The following MIA2 variants were observed in gnomAD, a reference collection of about 807,000 sequenced individuals.
The protein encoded by MIA2 is MIA SH3 domain ER export factor 2, also known as melanoma inhibitory activity protein 2.
A neutral mutation model predicts 167.8 loss-of-function variants in MIA2; 127 were observed. That is an observed-to-expected ratio of 0.76 (90% CI 0.66 to 0.88). MIA2 has a LOEUF of 0.88. MIA2 is among the 40% of genes least tolerant of loss of function. MIA2 has a pLI of 0.00. For synonymous variants in MIA2, 552 were observed against 541.9 expected, an observed-to-expected ratio of 1.02 and a Z score of -0.26; for missense variants, 1,690 against 1,624.7, an observed-to-expected ratio of 1.04 and a Z score of -0.69.
chr14:39,301,016 A>G lies in MIA2; in HGVS notation c.2619+1030A>G, dbSNP rs2062379674. ...CACATATATACATATATACACATAT[A>G]TACACACATATATACATATACATAC... On this transcript the variant is annotated intron_variant, in intron 14 of 28. Coordinates refer to ENST00000640607, the MANE Select transcript of MIA2 (RefSeq NM_001329214.4). Among the ~76,000 whole-genome samples, 3 of 144,890 alleles carry G rather than the reference A, an allele frequency of 2.1e-5. No homozygotes were observed. The South Asian group carries it at 6.4e-4, about 31-fold the overall frequency.
intron 23 of MIA2, among the ~76,000 whole-genome samples, chr14:39,357,200 G>C (rs2074552160): frequency 6.6e-6 from 1 of 152,118 alleles, no homozygotes; most frequent in African/African-American, 2.4e-5. Flanking sequence ...TCCCTTTGTA[G>C]GTCTCTAAGG....
intron 22 of MIA2, among the ~76,000 whole-genome samples, chr14:39,318,469 A>G (rs920026522): frequency 2.6e-5 from 4 of 152,190 alleles, no homozygotes; most frequent in African/African-American, 9.6e-5. Flanking sequence ...TACAATGTAC[A>G]ATAGCAGGGA....
chr14:39,277,214 A>G, intron 7 of MIA2, 149 bp downstream of exon 7: 1 of 1,036,822 alleles, frequency 9.6e-7, no homozygotes, highest in Non-Finnish European at 1.3e-6. Flanking sequence ...TGTTTTTTTT[A>G]AAAGAGATGA....
intron 25 of MIA2, among the ~76,000 whole-genome samples, chr14:39,342,439 C>A (rs1371343466): frequency 1.3e-5 from 2 of 152,094 alleles, no homozygotes; most frequent in Non-Finnish European, 2.9e-5. Flanking sequence ...GGTTCCAAGT[C>A]TTTGCTATTG....
chr14:39,345,961 A>T lies in MIA2; in HGVS notation c.3713A>T (p.Asn1238Ile), dbSNP rs755875816. The T allele has an allele frequency of 3.1e-6, 5 of 1,611,816 alleles. No homozygotes were observed. The East Asian group carries it at 1.1e-4, about 36-fold the overall frequency. Residue 1238 changes from asparagine (N) to isoleucine (I), a missense_variant, in exon 26 of 29, where the codon AAT becomes ATT. Physicochemically the swap from Asn to Ile is moderately radical, Grantham distance 149. Coordinates refer to ENST00000640607, the MANE Select transcript of MIA2 (RefSeq NM_001329214.4). ...PPQRQDRFCS[N>I]SGRLSGPAEL... ...CAAAGGCAAGACAGATTTTGTTCTA[A>T]TTCTGGTAGACTGTCTGGACCAGCA...
chr14:39,315,625 A>G (rs1042574726), intron 20 of MIA2, 58 bp from the exon 21 acceptor site: 70 of 1,304,626 alleles, frequency 5.4e-5, no homozygotes, highest in Non-Finnish European at 7.0e-5. Flanking sequence ...GTAGATGTGA[A>G]TGTTTTTTAC....
In MIA2 at chr14:39,240,604, T is replaced by C. The variant is rs766797743; in HGVS notation, c.293T>C (p.Ile98Thr). The C allele has an allele frequency of 6.2e-7, 1 of 1,613,434 alleles. No individual in the cohort carries two copies. The highest frequency in any genetic ancestry group is 8.5e-7 in the Non-Finnish European group (1 of 1,179,522). The change falls in exon 3 of 29, where the codon ATT becomes ACT. Residue 98 changes from isoleucine (I) to threonine (T), a missense_variant. Coordinates refer to ENST00000640607, the MANE Select transcript of MIA2 (RefSeq NM_001329214.4). ...FGYFPRDAVQ[I>T]EEVFISEEIQ... Reference sequence around the variant, plus strand: ...TATTTTCCCAGAGATGCAGTCCAGATTGAAGAGGTGTTCATATCTGAGGAA... The same window carrying C: ...TATTTTCCCAGAGATGCAGTCCAGACTGAAGAGGTGTTCATATCTGAGGAA...
chr14:39,314,467 T>G (rs1383290493), intron 19 of MIA2, among the ~76,000 whole-genome samples: 1 of 151,442 alleles, frequency 6.6e-6, no homozygotes, highest in Non-Finnish European at 1.5e-5. Context: ...CAACACAATA[T>G]ACCACGTAAA....
chr14:39,301,974 A>G (rs1452467019), intron 14 of MIA2, among the ~76,000 whole-genome samples, 155 bp from the exon 15 acceptor site: 1 of 152,242 alleles, frequency 6.6e-6, no homozygotes. Context: ...CCATTTCTCA[A>G]GACTACAATA....
chr14:39,380,493 G>GTTTC, intron 23 of MIA2, among the ~76,000 whole-genome samples: 1 of 151,698 alleles, frequency 6.6e-6, no homozygotes, highest in Middle Eastern at 3.2e-3. Flanking sequence ...AAGAGATAGA[G>GTTTC]AGCATCCTGG....
intron 7 of MIA2, 88 bp downstream of exon 7, chr14:39,277,153 A>G: frequency 6.7e-7 from 1 of 1,488,624 alleles, no homozygotes; most frequent in Non-Finnish European, 9.0e-7. Context: ...TATTTTAAGT[A>G]AACAAGTTAG....
chr14:39,247,688 A>G lies in MIA2; in HGVS notation c.1114A>G (p.Ser372Gly). 6.2e-7 allele frequency: 1 copy of G among 1,611,970 alleles called. No individual in the cohort carries two copies. The highest frequency in any genetic ancestry group is 8.5e-7 in the Non-Finnish European group (1 of 1,179,472). The change falls in exon 4 of 29, where the codon AGT (serine) becomes GGT (glycine). Residue 372 changes from serine (S) to glycine (G), a missense_variant. Ser to Gly is a moderately conservative substitution (Grantham distance 56). Coordinates refer to ENST00000640607, the MANE Select transcript of MIA2 (RefSeq NM_001329214.4). Reference sequence around the variant, plus strand: ...AGACACAATCACTAATGATAGCTTGAGTCTCAAGCCAAGTTGGTTTGATTT... The same window carrying G: ...AGACACAATCACTAATGATAGCTTGGGTCTCAAGCCAAGTTGGTTTGATTT... ...KKDTITNDSL[S>G]LKPSWFDFGF...
chr14:39,306,479 A>G (rs547451633), intron 17 of MIA2, among the ~76,000 whole-genome samples: 55 of 152,196 alleles, frequency 3.6e-4, no homozygotes, highest in Non-Finnish European at 4.7e-4. Context: ...TGAGAACTCT[A>G]TCATCTAGGG....
chr14:39,290,110 A>T (rs1413691463), intron 9 of MIA2, among the ~76,000 whole-genome samples: 1 of 152,200 alleles, frequency 6.6e-6, no homozygotes, highest in Non-Finnish European at 1.5e-5. Context: ...TGTTTAGCCA[A>T]GCACAGGGTT....
At chr14:39,263,591 T>C (rs2055244261) in intron 6 of MIA2, among the ~76,000 whole-genome samples, 1 of 151,588 alleles carries the variant, frequency 6.6e-6, no homozygotes, top group Admixed American at 6.6e-5. Flanking sequence ...TCCTCTTATT[T>C]TCTCTTTTCC....
chr14:39,248,860 C>T (rs2054429835), intron 4 of MIA2, among the ~76,000 whole-genome samples: 1 of 152,034 alleles, frequency 6.6e-6, no homozygotes, highest in South Asian at 2.1e-4. Flanking sequence ...TCACCTTAGC[C>T]TCCCAAGTAG....
At chr14:39,330,973 G>A (rs759318265) in intron 25 of MIA2, among the ~76,000 whole-genome samples, 8 of 152,088 alleles carry the variant, frequency 5.3e-5, no homozygotes, top group Non-Finnish European at 1.0e-4. Flanking sequence ...TTGTCTGTTA[G>A]GTCCGCTTGG....
chr14:39,369,957 C>A (rs1052461391), intron 23 of MIA2, among the ~76,000 whole-genome samples: 5 of 152,148 alleles, frequency 3.3e-5, no homozygotes, highest in African/African-American at 9.7e-5. Flanking sequence ...GATATATTGT[C>A]TTTGCAGACT....
At chr14:39,290,955 C>G in intron 9 of MIA2, 64 bp from the exon 10 acceptor site, 1 of 1,364,208 alleles carries the variant, frequency 7.3e-7, no homozygotes, top group Non-Finnish European at 1.0e-6. Flanking sequence ...TCTTAGGCAT[C>G]TATCCAGATA....
Sources: allele counts gnomAD v4.1 joint callset (sites outside exome capture counted in the v4.1 genomes callset), GRCh38; gene constraint gnomAD v4.1.1; transcripts MANE v1.5; gene names NCBI Gene and HGNC (gene_info 2026-07-23, HGNC 2026-07-21).